The following PCDH9 variants were observed in gnomAD, a reference collection of about 807,000 sequenced individuals.
PCDH9 encodes protocadherin 9, also known as protocadherin-9.
PCDH9 carries 24 observed loss-of-function variants against 70.6 expected under a neutral mutation model. The ratio of observed to expected loss-of-function variants is 0.34; its 90% CI spans 0.25 to 0.48. PCDH9 has a LOEUF of 0.48. PCDH9 is among the 20% of genes least tolerant of loss of function. PCDH9 has a pLI of 0.99. For synonymous variants in PCDH9, 562 were observed against 558.5 expected (o/e 1.01, Z -0.09); for missense variants, 1,281 against 1,503.6 (o/e 0.85, Z 2.45).
At chr13:66,536,757 C>T (rs866692883) in intron 4 of PCDH9, among the ~76,000 whole-genome samples, 3 of 151,880 alleles carry the variant, frequency 2.0e-5, no homozygotes, top group African/African-American at 2.4e-5. Context: ...GTTATGAAAC[C>T]GTGCTTTTCT....
intron 4 of PCDH9, among the ~76,000 whole-genome samples, chr13:66,440,279 G>C (rs991083142): frequency 6.6e-6 from 1 of 152,034 alleles, no homozygotes; most frequent in Admixed American, 6.6e-5. Context: ...ACACTTAACT[G>C]TTTGATCCAT....
intron 2 of PCDH9, chr13:67,202,887 G>C (rs2089250840): frequency 6.6e-6 from 1 of 152,036 alleles, no homozygotes; most frequent in African/African-American, 2.4e-5. Flanking sequence ...ATATGTGAGT[G>C]TCTTGGTATA....
intron 4 of PCDH9, among the ~76,000 whole-genome samples, chr13:66,376,436 T>C (rs1344027645): frequency 6.6e-6 from 1 of 152,158 alleles, no homozygotes; most frequent in African/African-American, 2.4e-5. Flanking sequence ...ATGATCTTTT[T>C]TTGCAGTTGT....
chr13:66,708,195 G>A lies in PCDH9; in HGVS notation c.3139-76784C>T, dbSNP rs1050125211. ...CTCCCAAGTAGCTGGGACTACAGGC[G>A]CCCGCCACTACGCCCGGCTAATTTT... On this transcript the variant is annotated intron_variant, in intron 3 of 4. Transcript: ENST00000377865. 4.7e-5 allele frequency among the ~76,000 whole-genome samples: 7 copies of A among 150,238 alleles called. No individual in the cohort carries two copies. The East Asian group carries it at 7.8e-4, about 17-fold the overall frequency.
At chr13:66,505,329 G>T (rs565522963) in intron 4 of PCDH9, among the ~76,000 whole-genome samples, 11 of 152,296 alleles carry the variant, frequency 7.2e-5, no homozygotes, top group Admixed American at 2.0e-4. Flanking sequence ...GAAGGTGAAT[G>T]AGAGTAAAGT....
intron 3 of PCDH9, among the ~76,000 whole-genome samples, chr13:66,892,523 T>G (rs1039241643): frequency 1.3e-5 from 2 of 151,974 alleles, no homozygotes; most frequent in African/African-American, 4.8e-5. Context: ...CATTTGGGCT[T>G]TGCTACGTTG....
At chr13:66,354,607 A>G (rs1336282591) in intron 4 of PCDH9, among the ~76,000 whole-genome samples, 6 of 152,290 alleles carry the variant, frequency 3.9e-5, no homozygotes, top group South Asian at 4.1e-4. Flanking sequence ...AGGGAAAAAA[A>G]GAATGCAAAA....
At chr13:67,179,942 T>C (rs2088571635) in intron 2 of PCDH9, among the ~76,000 whole-genome samples, 1 of 152,124 alleles carries the variant, frequency 6.6e-6, no homozygotes, top group South Asian at 2.1e-4. Context: ...GGCTAAGAAA[T>C]GTATGATCTG....
At chr13:66,683,205 T>C (rs1023717829) in intron 3 of PCDH9, among the ~76,000 whole-genome samples, 4 of 152,130 alleles carry the variant, frequency 2.6e-5, no homozygotes, top group African/African-American at 9.7e-5. Context: ...ATCTTTTTTT[T>C]CCTCCCTTTT....
At chr13:66,927,795 T>C (rs561620987) in intron 2 of PCDH9, among the ~76,000 whole-genome samples, 2 of 152,222 alleles carry the variant, frequency 1.3e-5, no homozygotes, top group African/African-American at 4.8e-5. Context: ...TATAGTTTTA[T>C]TACCTTGTTA....
At position 66,700,956 on chromosome 13, in the gene PCDH9, A is replaced by G. The variant is rs1377792134; in HGVS notation, c.3139-69545T>C. On this transcript the variant is annotated intron_variant, in intron 3 of 4. Transcript: ENST00000377865. ...TATATATATATATATATATATATAT[A>G]TATATATATATATACTTTTTCACAG... 6.0e-5 allele frequency among the ~76,000 whole-genome samples: 8 copies of G among 133,096 alleles called. 1 individual carries two copies. Among genetic ancestry groups the G allele is most frequent in the East Asian group, 4.6e-4 (2 of 4,324 alleles). 87.3% of individuals were successfully genotyped at this position (133,096 alleles called of 152,430 possible). A position where few individuals can be genotyped will look rare whatever the true frequency, so the allele number is the denominator to read the frequency against.
chr13:66,706,429 G>A (rs1041079141), intron 3 of PCDH9, among the ~76,000 whole-genome samples: 3 of 152,190 alleles, frequency 2.0e-5, no homozygotes, highest in Non-Finnish European at 4.4e-5. Flanking sequence ...CAGAGTAAAA[G>A]TACACTTAGA....
chr13:66,848,552 C>G (rs2081252178), intron 3 of PCDH9, among the ~76,000 whole-genome samples: 1 of 152,204 alleles, frequency 6.6e-6, no homozygotes, highest in Non-Finnish European at 1.5e-5. Context: ...ATAAATAGCA[C>G]TCTACAACCC....
At position 66,304,776 on chromosome 13, in the gene PCDH9, T is replaced by C. The variant is rs1250642033; in HGVS notation, c.3593A>G (p.Tyr1198Cys). 1 of 1,613,434 alleles carries C rather than the reference T, an allele frequency of 6.2e-7. No individual in the cohort carries two copies. Among genetic ancestry groups the C allele is most frequent in the Non-Finnish European group, 8.5e-7 (1 of 1,179,746 alleles). ...GTTGAAATGGCCTTCATTGGAGCCA[T>C]ACTGCTTACGGTCATTGAACTGGTT... ...NRNQFNDRKQ[Y>C]GSNEGHFNNG... The change falls in exon 5 of 5, where the codon TAT (tyrosine) becomes TGT (cysteine). Residue 1198 changes from tyrosine to cysteine, a missense_variant. Around this residue, in one of 4 missense-constraint regions of PCDH9, gnomAD observed 264 missense variants for 278.8 expected, o/e 0.95. Coordinates refer to ENST00000377865, the MANE Select transcript of PCDH9 (RefSeq NM_203487.3).
intron 2 of PCDH9, among the ~76,000 whole-genome samples, chr13:67,045,761 G>C (rs1046884815): frequency 2.0e-5 from 3 of 152,032 alleles, no homozygotes; most frequent in African/African-American, 4.8e-5. Flanking sequence ...ATGATGTGAG[G>C]CTTCGAGTTA....
intron 2 of PCDH9, among the ~76,000 whole-genome samples, chr13:67,151,261 C>A (rs1203179833): frequency 6.6e-6 from 1 of 152,040 alleles, no homozygotes; most frequent in Non-Finnish European, 1.5e-5. Context: ...ATTGTGATTT[C>A]TCTGCTACTA....
chr13:67,122,772 CAATAATAATAAT>C lies in PCDH9; in HGVS notation c.3036+102621_3036+102632del, dbSNP rs56039213. 5.1e-3 allele frequency among the ~76,000 whole-genome samples: 736 copies of C among 143,188 alleles called. 12 individuals carry two copies. The highest frequency in any genetic ancestry group is 0.017 in the African/African-American group (671 of 38,690). The allele number at this position is 143,188 out of a possible 152,430, so 93.9% of individuals were successfully genotyped here. On this transcript the variant is annotated intron_variant, in intron 2 of 4. Transcript: ENST00000377865. ...CTGGCGACAGAGCAAGACTCTGTCT[CAATAATAATAAT>C]AATAATAATAATAATAATAATAATA...
chr13:66,833,101 A>G (rs138253107), intron 3 of PCDH9, among the ~76,000 whole-genome samples: 1 of 152,268 alleles, frequency 6.6e-6, no homozygotes, highest in East Asian at 1.9e-4. Flanking sequence ...CTCGTAGCCA[A>G]CAAGTATTTA....
At chr13:66,725,557 T>C (rs1242229050) in intron 3 of PCDH9, among the ~76,000 whole-genome samples, 1 of 152,230 alleles carries the variant, frequency 6.6e-6, no homozygotes, top group African/African-American at 2.4e-5. Flanking sequence ...TAGGTACTTT[T>C]CAATGGCTAG....
Sources: allele counts gnomAD v4.1 joint callset (sites outside exome capture counted in the v4.1 genomes callset), GRCh38; gene constraint gnomAD v4.1.1; regional missense constraint gnomAD v4.1.1; transcripts MANE v1.5; gene names NCBI Gene and HGNC (gene_info 2026-07-23, HGNC 2026-07-21).